The following ACTR10 variants were observed in gnomAD, a reference collection of about 807,000 sequenced individuals.
ACTR10 encodes the protein actin-related protein 10.
In ACTR10, 43 loss-of-function variants were observed where a neutral mutation model predicts 56.2. The observed-to-expected ratio is 0.77, with a 90% CI of 0.60 to 0.99. The LOEUF is 0.99. ACTR10 is among the 50% of genes least tolerant of loss of function. ACTR10 has a pLI of 0.00. For missense variants in ACTR10, 466 were observed against 507.8 expected, an observed-to-expected ratio of 0.92 and a Z score of 0.79; for synonymous variants, 170 against 176.3, an observed-to-expected ratio of 0.96 and a Z score of 0.28.
At chr14:58,226,256 AC>A (rs1889396137) in intron 10 of ACTR10, among the ~76,000 whole-genome samples, 1 of 151,834 alleles carries the variant, frequency 6.6e-6, no homozygotes, top group Admixed American at 6.6e-5. Flanking sequence ...ACAGAGTGAG[AC>A]CCCATCTCTT....
chr14:58,227,190 A>G (rs1213577696), intron 10 of ACTR10, among the ~76,000 whole-genome samples: 1 of 150,542 alleles, frequency 6.6e-6, no homozygotes, highest in South Asian at 2.1e-4. Context: ...TTCTTTTTAT[A>G]AGTACAGTAA....
rs372971756 is a variant in ACTR10 at position 58,215,223 on chromosome 14, A to G, written c.537A>G (p.Leu179=). 9 of 1,602,672 alleles carry G rather than the reference A, an allele frequency of 5.6e-6. No homozygotes were observed. The highest frequency in any genetic ancestry group is 2.7e-5 in the African/African-American group (2 of 74,284). The change falls in exon 7 of 13, where the codon CTA becomes CTG. Residue 179 remains leucine (L), a synonymous_variant. Coordinates refer to ENST00000254286, the MANE Select transcript of ACTR10 (RefSeq NM_018477.3). Reference sequence around the variant, plus strand: ...ATTTCAGAGAGTTGGAAACTCAACTATTGGAACAATGTACTGTTGACACAA... The same window carrying G: ...ATTTCAGAGAGTTGGAAACTCAACTGTTGGAACAATGTACTGTTGACACAA... ...KALHKELETQ[L]LEQCTVDTSV...
intron 2 of ACTR10, among the ~76,000 whole-genome samples, chr14:58,204,121 C>A (rs886174829): frequency 1.3e-5 from 2 of 151,868 alleles, no homozygotes; most frequent in African/African-American, 2.4e-5. Context: ...AGATTACACG[C>A]CTGTAATCGC....
chr14:58,217,047 A>G (rs879318787), intron 7 of ACTR10, among the ~76,000 whole-genome samples: 1 of 152,202 alleles, frequency 6.6e-6, no homozygotes, highest in Non-Finnish European at 1.5e-5. Context: ...TTCATTCTGT[A>G]GATCCAATTA....
intron 4 of ACTR10, among the ~76,000 whole-genome samples, chr14:58,210,917 C>T (rs1396077508): frequency 3.3e-5 from 5 of 152,098 alleles, no homozygotes; most frequent in Non-Finnish European, 7.4e-5. Flanking sequence ...TCGGGTGATC[C>T]GCCCGCCTCA....
At position 58,211,357 on chromosome 14, in the gene ACTR10, C is replaced by G; in HGVS notation, c.408C>G (p.Ala136=). Residue 136 remains alanine, a synonymous_variant, in exon 5 of 13, where the codon GCC becomes GCG. Coordinates refer to ENST00000254286, the MANE Select transcript of ACTR10 (RefSeq NM_018477.3). ...TTCTGACGCTTGGAATTAATTCTGCCATGGTCCTAGATTGTGGATATAGGG... is the reference window on the plus strand; with the variant it reads ...TTCTGACGCTTGGAATTAATTCTGCGATGGTCCTAGATTGTGGATATAGGG... ...MALLTLGINS[A]MVLDCGYRES... is the part of the protein sequence containing the mutation. 6.2e-7 allele frequency: 1 copy of G among 1,613,792 alleles called. No individual in the cohort carries two copies. Among genetic ancestry groups the G allele is most frequent in the Non-Finnish European group, 8.5e-7 (1 of 1,179,834 alleles).
At chr14:58,223,902 T>C in intron 10 of ACTR10, 46 bp downstream of exon 10, 2 of 1,481,808 alleles carry the variant, frequency 1.3e-6, no homozygotes, top group Non-Finnish European at 1.9e-6. Flanking sequence ...TAAAATAAAC[T>C]TTTGGCTTTT....
intron 6 of ACTR10, 57 bp from the exon 7 acceptor site, chr14:58,215,148 A>G: frequency 9.3e-7 from 1 of 1,074,184 alleles, no homozygotes; most frequent in African/African-American, 1.6e-5. Flanking sequence ...GAAAGTATCA[A>G]ATAAGGATAT....
rs537124173 is a variant in ACTR10, at chr14:58,214,485, T to TTTA, written c.519-699_519-697dup. ...GTAAACTTATGTCATGGGGAAGACC[T>TTTA]TTATTATTATTATTATTATTATTGA... is the stretch of plus-strand genomic sequence containing the variant. On this transcript the variant is annotated intron_variant, in intron 6 of 12. Coordinates refer to ENST00000254286, the MANE Select transcript of ACTR10 (RefSeq NM_018477.3). Among the ~76,000 whole-genome samples, 697 of 151,184 alleles carry TTTA rather than the reference T, an allele frequency of 4.6e-3. 2 individuals carry two copies. The highest frequency in any genetic ancestry group is 6.3e-3 in the Non-Finnish European group (425 of 67,770).
intron 5 of ACTR10, among the ~76,000 whole-genome samples, chr14:58,212,578 T>G (rs543829087): frequency 6.6e-6 from 1 of 152,330 alleles, no homozygotes; most frequent in East Asian, 1.9e-4. Flanking sequence ...TAAAGTACTT[T>G]GTGTTTAATT....
At chr14:58,232,412 T>C (rs1305359941) in intron 12 of ACTR10, 145 bp downstream of exon 12, 55 of 525,352 alleles carry the variant, frequency 1.0e-4, no homozygotes, top group South Asian at 2.7e-4. Flanking sequence ...TTCTTTTTTT[T>C]TTTTTTTTTT....
intron 8 of ACTR10, 194 bp from the exon 9 acceptor site, chr14:58,223,428 G>T (rs929137784): frequency 1.6e-5 from 9 of 563,836 alleles, no homozygotes; most frequent in Non-Finnish European, 2.8e-5. Flanking sequence ...AAGAGCCACT[G>T]CACCTGGCCA....
intron 10 of ACTR10, among the ~76,000 whole-genome samples, chr14:58,228,447 C>T (rs1228493368): frequency 1.3e-5 from 2 of 151,998 alleles, no homozygotes; most frequent in African/African-American, 2.4e-5. Context: ...GGCAAAACCC[C>T]GTCTCTACTG....
intron 8 of ACTR10, among the ~76,000 whole-genome samples, chr14:58,221,851 G>T (rs1358979984): frequency 2.0e-5 from 3 of 152,130 alleles, no homozygotes; most frequent in African/African-American, 7.2e-5. Flanking sequence ...CCCAGAGGCG[G>T]AGGTTGCAGT....
At chr14:58,223,387 C>T (rs1199141698) in intron 8 of ACTR10, 1 of 434,670 alleles carries the variant, frequency 2.3e-6, no homozygotes, top group Non-Finnish European at 4.1e-6. Flanking sequence ...ATCCGCCTGC[C>T]TCGGCCTCCC....
chr14:58,208,410 C>G (rs1258211996), intron 3 of ACTR10, among the ~76,000 whole-genome samples: 1 of 151,744 alleles, frequency 6.6e-6, no homozygotes, highest in East Asian at 1.9e-4. Flanking sequence ...TAAAACATAC[C>G]CCCATACATC....
At chr14:58,231,102 G>T in intron 11 of ACTR10, 1 of 351,440 alleles carries the variant, frequency 2.8e-6, no homozygotes, top group Non-Finnish European at 6.0e-6. Context: ...TGCCCAGGCT[G>T]GAGTGCAATG....
Position 58,207,984 on chromosome 14 carries a change from T to A in ACTR10, c.199T>A (p.Tyr67Asn). Residue 67 changes from tyrosine (Y) to asparagine (N), a missense_variant, in exon 3 of 13, where the codon TAC becomes AAC. Transcript: ENST00000254286. Reference sequence around the variant, plus strand: ...TATCAATACAGAAGAATTATATTCCTACCTAAAGGAATTCATCCACATACT... The same window carrying A: ...TATCAATACAGAAGAATTATATTCCAACCTAAAGGAATTCATCCACATACT... ...YNINTEELYS[Y>N]LKEFIHILYF... The A allele has an allele frequency of 1.3e-6, 2 of 1,509,660 alleles. No homozygotes were observed. Among genetic ancestry groups the A allele is most frequent in the Non-Finnish European group, 1.8e-6 (2 of 1,137,646 alleles). 93.5% of individuals were successfully genotyped at this position (1,509,660 alleles called of 1,614,324 possible).
At chr14:58,202,399 G>C (rs1213045527) in intron 1 of ACTR10, among the ~76,000 whole-genome samples, 1 of 151,172 alleles carries the variant, frequency 6.6e-6, no homozygotes, top group Admixed American at 6.6e-5. Flanking sequence ...GGCTAACACG[G>C]TGAAACCTCG....
Sources: allele counts gnomAD v4.1 joint callset (sites outside exome capture counted in the v4.1 genomes callset), GRCh38; gene constraint gnomAD v4.1.1; transcripts MANE v1.5; gene names NCBI Gene and HGNC (gene_info 2026-07-23, HGNC 2026-07-21).